RAB3B: variants seen among roughly 807,000 people sequenced by gnomAD.
RAB3B encodes the protein RAB3B, member RAS oncogene family.
RAB3B carries 11 observed loss-of-function variants against 20.5 expected under a neutral mutation model. That is an observed-to-expected ratio of 0.54 (90% CI 0.34 to 0.89). The LOEUF is 0.89. RAB3B is among the 40% of genes least tolerant of loss of function. The pLI, the probability that RAB3B is intolerant of heterozygous loss-of-function variation, is 0.02. For missense variants in RAB3B, 225 were observed against 280.9 expected, an observed-to-expected ratio of 0.80 and a Z score of 1.42; for synonymous variants, 99 against 106.3, an observed-to-expected ratio of 0.93 and a Z score of 0.42.
intron 4 of RAB3B, among the ~76,000 whole-genome samples, chr1:51,921,017 C>A (rs557063592): frequency 6.6e-6 from 1 of 152,276 alleles, no homozygotes; most frequent in East Asian, 1.9e-4. Context: ...AGACCCTTAG[C>A]GTCACTTTCT....
At chr1:51,946,757 G>T (rs1684571176) in intron 2 of RAB3B, among the ~76,000 whole-genome samples, 1 of 152,200 alleles carries the variant, frequency 6.6e-6, no homozygotes, top group South Asian at 2.1e-4. Flanking sequence ...ACTGTTAGTT[G>T]AGCATTACTA....
At chr1:51,927,964 A>G (rs1379603613) in intron 4 of RAB3B, among the ~76,000 whole-genome samples, 1 of 152,208 alleles carries the variant, frequency 6.6e-6, no homozygotes, top group Non-Finnish European at 1.5e-5. Context: ...ATGGAGGCAG[A>G]ACCCTAAAAG....
intron 2 of RAB3B, among the ~76,000 whole-genome samples, chr1:51,947,126 T>C (rs1412703432): frequency 6.6e-6 from 1 of 152,186 alleles, no homozygotes; most frequent in Admixed American, 6.5e-5. Flanking sequence ...CCAGGCACGG[T>C]GGCTCATGCC....
At chr1:51,977,153 C>T (rs1685022006) in intron 1 of RAB3B, 36 bp from the exon 2 acceptor site, 6 of 1,544,748 alleles carry the variant, frequency 3.9e-6, no homozygotes, top group Non-Finnish European at 5.4e-6. Context: ...AGGAACAGAC[C>T]TTCGGTGTCA....
chr1:51,922,113 GCCATAGAAACCCAGTC>G, intron 4 of RAB3B, among the ~76,000 whole-genome samples: 1 of 152,192 alleles, frequency 6.6e-6, no homozygotes, highest in East Asian at 1.9e-4. Flanking sequence ...TTATACTCAG[GCCATAGAAACCCAGTC>G]AGCTTCAGAG....
chr1:51,983,406 A>G (rs982067078), intron 1 of RAB3B, among the ~76,000 whole-genome samples: 9 of 152,164 alleles, frequency 5.9e-5, no homozygotes, highest in Non-Finnish European at 1.0e-4. Context: ...CTGTGTTACA[A>G]TTGCCTGCTA....
intron 4 of RAB3B, among the ~76,000 whole-genome samples, chr1:51,923,226 T>C (rs1011592439): frequency 6.6e-6 from 1 of 152,124 alleles, no homozygotes; most frequent in Admixed American, 6.6e-5. Context: ...AAACTGAGAC[T>C]CAGAGATGGG....
chr1:51,987,888 C>T (rs956546565), intron 1 of RAB3B, among the ~76,000 whole-genome samples: 10 of 151,904 alleles, frequency 6.6e-5, no homozygotes, highest in African/African-American at 2.2e-4. Context: ...TCTTTTTCTT[C>T]TTTTTTAAGA....
chr1:51,952,331 C>T (rs1287471400), intron 2 of RAB3B, among the ~76,000 whole-genome samples: 1 of 152,140 alleles, frequency 6.6e-6, no homozygotes, highest in Non-Finnish European at 1.5e-5. Flanking sequence ...CCCTCAAATA[C>T]TCTAAACTCA....
At position 51,912,590 on chromosome 1, in the gene RAB3B, TATATATATATA is replaced by T. The variant is rs1684020273; in HGVS notation, c.*7326_*7336del. ...ATATATATATATATATATATATATA[TATATATATATA>T]AAAAATGTTACTCCTGTGAGACAGA... On this transcript the variant is annotated 3_prime_UTR_variant, in exon 5 of 5. Transcript: ENST00000371655. 1 of 64,674 alleles carries T rather than the reference TATATATATATA, an allele frequency of 1.5e-5. No homozygotes were observed. Among genetic ancestry groups the T allele is most frequent in the African/African-American group, 6.3e-5 (1 of 15,946 alleles). The allele number at this position is 64,674 out of a possible 1,614,324, so 4.0% of individuals were successfully genotyped here.
chr1:51,950,819 G>A (rs1324661001), intron 2 of RAB3B, among the ~76,000 whole-genome samples: 5 of 152,082 alleles, frequency 3.3e-5, no homozygotes, highest in African/African-American at 4.8e-5. Flanking sequence ...TCCCCCATGC[G>A]CTACCCTCCG....
rs890426093 is a variant in RAB3B, at chr1:51,909,421, T to C, written c.*10506A>G. The C allele has an allele frequency of 2.0e-5, 3 of 152,194 alleles. No homozygotes were observed. The highest frequency in any genetic ancestry group is 7.2e-5 in the African/African-American group (3 of 41,456). The allele number at this position is 152,194 out of a possible 1,614,324, so 9.4% of individuals were successfully genotyped here. A position where few individuals can be genotyped will look rare whatever the true frequency, so the allele number is the denominator to read the frequency against. On this transcript the variant is annotated 3_prime_UTR_variant, in exon 5 of 5. Transcript: ENST00000371655. ...TTGTCAGCCTCATTAGGTGAAAATATGTTGGTTCAAGATCACACAGTTAGT... is the reference window on the plus strand; with the variant it reads ...TTGTCAGCCTCATTAGGTGAAAATACGTTGGTTCAAGATCACACAGTTAGT...
In RAB3B at chr1:51,917,279, G is replaced by T. The variant is rs1243522681; in HGVS notation, c.*2648C>A. On this transcript the variant is annotated 3_prime_UTR_variant, in exon 5 of 5. Transcript: ENST00000371655. ...TTGGATGCCAATCCTGATCTCTCAGGTTTGTTTGGTGGATCAACTGAAATG... is the reference window on the plus strand; with the variant it reads ...TTGGATGCCAATCCTGATCTCTCAGTTTTGTTTGGTGGATCAACTGAAATG... 6.6e-6 allele frequency: 1 copy of T among 152,064 alleles called. No individual in the cohort carries two copies. Among genetic ancestry groups the T allele is most frequent in the Non-Finnish European group, 1.5e-5 (1 of 68,024 alleles). 9.4% of individuals were successfully genotyped at this position (152,064 alleles called of 1,614,324 possible).
intron 2 of RAB3B, among the ~76,000 whole-genome samples, chr1:51,953,283 C>T (rs1177592072): frequency 6.6e-6 from 1 of 152,136 alleles, no homozygotes; most frequent in African/African-American, 2.4e-5. Context: ...TCATATGCCA[C>T]CTGCTGTACC....
rs1195863714 is a variant in RAB3B at position 51,910,131 on chromosome 1, G to A, written c.*9796C>T. 1 of 152,178 alleles carries A rather than the reference G, an allele frequency of 6.6e-6. No homozygotes were observed. Among genetic ancestry groups the A allele is most frequent in the Non-Finnish European group, 1.5e-5 (1 of 68,032 alleles). The allele number at this position is 152,178 out of a possible 1,614,324, so 9.4% of individuals were successfully genotyped here. A position where few individuals can be genotyped will look rare whatever the true frequency, so the allele number is the denominator to read the frequency against. On this transcript the variant is annotated 3_prime_UTR_variant, in exon 5 of 5. Transcript: ENST00000371655. Reference sequence around the variant, plus strand: ...CCAAGAACTGAACCCAGGTCTGTCAGACTGTAAGCCCTGTAGGCTTAACTA... The same window carrying A: ...CCAAGAACTGAACCCAGGTCTGTCAAACTGTAAGCCCTGTAGGCTTAACTA...
chr1:51,960,219 G>A (rs1684767339), intron 2 of RAB3B, among the ~76,000 whole-genome samples: 1 of 152,242 alleles, frequency 6.6e-6, no homozygotes, highest in Non-Finnish European at 1.5e-5. Context: ...CTGACCAGGG[G>A]ATGCGTTCAA....
chr1:51,968,619 A>G (rs1485660645), intron 2 of RAB3B, among the ~76,000 whole-genome samples: 1 of 152,184 alleles, frequency 6.6e-6, no homozygotes, highest in African/African-American at 2.4e-5. Flanking sequence ...CCTTTCCCAC[A>G]TTCCTACACT....
At chr1:51,949,458 C>T (rs1228092280) in intron 2 of RAB3B, among the ~76,000 whole-genome samples, 1 of 152,208 alleles carries the variant, frequency 6.6e-6, no homozygotes, top group South Asian at 2.1e-4. Flanking sequence ...AAGCTTCCAG[C>T]ACAAATCCCG....
At chr1:51,937,966 A>G (rs1373841672) in intron 2 of RAB3B, among the ~76,000 whole-genome samples, 2 of 150,376 alleles carry the variant, frequency 1.3e-5, no homozygotes, top group Non-Finnish European at 3.0e-5. Flanking sequence ...GGTAATTATT[A>G]CATAAAAAGT....
Sources: allele counts gnomAD v4.1 joint callset (sites outside exome capture counted in the v4.1 genomes callset), GRCh38; gene constraint gnomAD v4.1.1; transcripts MANE v1.5; gene names NCBI Gene and HGNC (gene_info 2026-07-23, HGNC 2026-07-21).